PCDH15: variants seen among roughly 807,000 people sequenced by gnomAD.
The protein encoded by PCDH15 is protocadherin related 15, also known as protocadherin-15.
Under a neutral mutation model 178.5 loss-of-function variants are expected in PCDH15, and 129 were observed. That is an observed-to-expected ratio of 0.72 (90% CI 0.63 to 0.84). The LOEUF (loss-of-function observed/expected upper bound fraction) is 0.84, where lower values mean the gene tolerates loss of function less well. Among genes scored for constraint, PCDH15 ranks in the 40% least tolerant of loss-of-function variants. The pLI is 0.00. For missense variants in PCDH15, 2,230 were observed against 2,099.9 expected, an observed-to-expected ratio of 1.06 and a Z score of -1.21; for synonymous variants, 800 against 732.0, an observed-to-expected ratio of 1.09 and a Z score of -1.50.
chr10:54,747,573 A>G (rs2384529), intron 1 of PCDH15, among the ~76,000 whole-genome samples: 34,283 of 152,116 alleles, frequency 0.23, 4,202 homozygotes, highest in East Asian at 0.34. Flanking sequence ...AAATTGTACC[A>G]GCATTAACCT....
chr10:55,289,893 T>A (rs1042988978), intron 1 of PCDH15, among the ~76,000 whole-genome samples: 1 of 151,742 alleles, frequency 6.6e-6, no homozygotes, highest in Non-Finnish European at 1.5e-5. Flanking sequence ...ACTGAGTGAG[T>A]TTTCTTGAGA....
At chr10:54,510,144 A>C (rs1565458499) in intron 3 of PCDH15, among the ~76,000 whole-genome samples, 1 of 152,184 alleles carries the variant, frequency 6.6e-6, no homozygotes, top group South Asian at 2.1e-4. Flanking sequence ...CAGTCAAAAA[A>C]ATTGCTTTTA....
At chr10:54,686,160 G>C (rs919819801) in intron 1 of PCDH15, among the ~76,000 whole-genome samples, 1 of 149,822 alleles carries the variant, frequency 6.7e-6, no homozygotes, top group African/African-American at 2.4e-5. Context: ...ACAGGTGTGA[G>C]CCACCGCACT....
chr10:54,332,286 A>G (rs1939842975), intron 6 of PCDH15, among the ~76,000 whole-genome samples: 1 of 113,256 alleles, frequency 8.8e-6, no homozygotes, highest in South Asian at 2.6e-4. Context: ...AATATAATAT[A>G]ATCTATATTA....
intron 20 of PCDH15, among the ~76,000 whole-genome samples, chr10:54,001,753 C>G (rs886192499): frequency 1.3e-5 from 2 of 151,798 alleles, no homozygotes; most frequent in African/African-American, 4.8e-5. Context: ...AGGGATTAAG[C>G]TCTCTAATCA....
intron 2 of PCDH15, among the ~76,000 whole-genome samples, chr10:54,610,912 A>C (rs191101226): frequency 6.6e-6 from 1 of 151,796 alleles, no homozygotes; most frequent in East Asian, 1.9e-4. Context: ...CAAAATTCAT[A>C]TTTTTATTTT....
At chr10:53,863,442 T>A (rs141605587) in intron 27 of PCDH15, among the ~76,000 whole-genome samples, 5 of 152,206 alleles carry the variant, frequency 3.3e-5, no homozygotes, top group African/African-American at 4.8e-5. Context: ...ACTGGCATCA[T>A]CAGTACATTT....
intron 20 of PCDH15, among the ~76,000 whole-genome samples, chr10:53,997,258 G>A (rs1444829805): frequency 6.6e-6 from 1 of 152,104 alleles, no homozygotes; most frequent in Non-Finnish European, 1.5e-5. Context: ...TAAATGAACC[G>A]AGAAGTTTTA....
intron 3 of PCDH15, among the ~76,000 whole-genome samples, chr10:54,872,870 T>C (rs1298924744): frequency 6.6e-6 from 1 of 152,010 alleles, no homozygotes; most frequent in African/African-American, 2.4e-5. Context: ...AAAAACTGCA[T>C]GAAAGAGAAA....
At position 53,849,700 on chromosome 10, in the gene PCDH15, T is replaced by C. The variant is rs530557833; in HGVS notation, c.3806+7475A>G. Among the ~76,000 whole-genome samples the C allele has an allele frequency of 7.2e-3, 1,083 of 151,236 alleles. 8 individuals are homozygous for C. Among genetic ancestry groups the C allele is most frequent in the African/African-American group, 0.025 (1,023 of 41,270 alleles). ...TAACACGGTGAAACCTCGTCTCTAC[T>C]AAAAATATAAAAAATTAGCCGGGCA... On this transcript the variant is annotated intron_variant, in intron 28 of 37. Transcript: ENST00000644397.
At chr10:55,577,950 GGAGA>G (rs765283838) in intron 2 of PCDH15, among the ~76,000 whole-genome samples, 1 of 150,714 alleles carries the variant, frequency 6.6e-6, no homozygotes, top group Admixed American at 6.6e-5. Context: ...GTTAAAGTTA[GGAGA>G]GAGAGAGAGA....
chr10:53,971,091 A>G (rs2610900), intron 21 of PCDH15, among the ~76,000 whole-genome samples: 107,266 of 152,000 alleles, frequency 0.71, 38,242 homozygotes, highest in East Asian at 0.87. Context: ...TATCCACCAC[A>G]ATCAAGTGGG....
intron 3 of PCDH15, among the ~76,000 whole-genome samples, chr10:54,848,783 C>T (rs544264544): frequency 6.6e-6 from 1 of 152,236 alleles, no homozygotes; most frequent in South Asian, 2.1e-4. Flanking sequence ...TTCATTCAAT[C>T]TTCAAGAATT....
At chr10:55,107,869 A>G (rs1244072332) in intron 2 of PCDH15, among the ~76,000 whole-genome samples, 1 of 151,998 alleles carries the variant, frequency 6.6e-6, no homozygotes, top group Admixed American at 6.6e-5. Context: ...TATTCAACTT[A>G]TTTAGTAAAC....
intron 18 of PCDH15, among the ~76,000 whole-genome samples, chr10:54,037,172 A>G (rs180847689): frequency 4.3e-4 from 66 of 152,102 alleles, no homozygotes; most frequent in African/African-American, 1.4e-3. Flanking sequence ...AGATGCTGTG[A>G]ACATTGTTGA....
intron 6 of PCDH15, among the ~76,000 whole-genome samples, chr10:54,337,819 C>T (rs1941479718): frequency 6.6e-6 from 1 of 152,140 alleles, no homozygotes; most frequent in Admixed American, 6.5e-5. Context: ...ATCTATCCTT[C>T]ATTTGGATGA....
rs10526141 is a variant in PCDH15, at chr10:54,450,130, A to AATATATATATATATAT, written c.158-71204_158-71189dup. On this transcript the variant is annotated intron_variant, in intron 3 of 37. Transcript: ENST00000644397. ...GGCAGATGACTATTCCTTTTTTATA[A>AATATATATATATATAT]ATATATATATATATATATATATATA... 1.6e-3 allele frequency among the ~76,000 whole-genome samples: 223 copies of AATATATATATATATAT among 137,164 alleles called. 1 individual carries two copies. The highest frequency in any genetic ancestry group is 4.9e-3 in the African/African-American group (175 of 35,998). The allele number at this position is 137,164 out of a possible 152,430, so 90.0% of individuals were successfully genotyped here. A position where few individuals can be genotyped will look rare whatever the true frequency, so the allele number is the denominator to read the frequency against.
At chr10:54,674,359 A>G (rs1392612292) in intron 1 of PCDH15, among the ~76,000 whole-genome samples, 3 of 152,144 alleles carry the variant, frequency 2.0e-5, no homozygotes, top group Non-Finnish European at 4.4e-5. Flanking sequence ...CAAATGGTAG[A>G]CTGTTCCATT....
intron 1 of PCDH15, among the ~76,000 whole-genome samples, chr10:55,172,732 A>C (rs535279434): frequency 4.5e-4 from 69 of 152,160 alleles, no homozygotes; most frequent in Admixed American, 2.0e-3. Context: ...TGGTATCATT[A>C]GGATGTAACA....
Sources: gnomAD v4.1 joint callset for allele counts (sites outside exome capture counted in the v4.1 genomes callset) on GRCh38, gnomAD v4.1.1 for gene constraint, MANE v1.5 for transcripts, NCBI Gene and HGNC (gene_info 2026-07-23, HGNC 2026-07-21) for gene names.